NRDE2: variants seen among roughly 807,000 people sequenced by gnomAD.
NRDE2 encodes the protein NRDE-2, necessary for RNA interference, domain containing.
A neutral mutation model predicts 124.2 loss-of-function variants in NRDE2; 76 were observed. That is an observed-to-expected ratio of 0.61 (90% CI 0.51 to 0.74). The LOEUF (loss-of-function observed/expected upper bound fraction) is 0.74, where lower values mean the gene tolerates loss of function less well. NRDE2 is among the 30% of genes least tolerant of loss of function. The pLI is 0.00. For missense variants in NRDE2, 1,314 were observed against 1,417.3 expected (o/e 0.93, Z 1.17); for synonymous variants, 489 against 528.1 (o/e 0.93, Z 1.01).
In NRDE2 at chr14:90,308,358, G is replaced by A. The variant is rs149071894; in HGVS notation, c.558-3976C>T. ...ACTCCCATACACAGTGTCACTGCGGGATGCTCACGGGAGTAGAGGATGTGC... is the reference window on the plus strand; with the variant it reads ...ACTCCCATACACAGTGTCACTGCGGAATGCTCACGGGAGTAGAGGATGTGC... On this transcript the variant is annotated intron_variant, in intron 4 of 13. Transcript: ENST00000354366. 1.6e-4 allele frequency among the ~76,000 whole-genome samples: 24 copies of A among 152,228 alleles called. No homozygotes were observed. In the East Asian group the frequency reaches 4.1e-3, roughly 26 times the overall value.
Position 90,312,475 on chromosome 14 carries a change from G to T in NRDE2, c.476C>A (p.Thr159Lys). ...FVWLEDIQAVTGETFRTDKKP... is the reference protein window; with the variant it reads ...FVWLEDIQAVKGETFRTDKKP... ...CTTATCTGTTCTGAAGGTTTCTCCC[G>T]TCACAGCCTGAATGTCCTCAAGCCA... Residue 159 changes from threonine to lysine, a missense_variant, in exon 4 of 14, where the codon ACG becomes AAG. By Grantham distance (78) the Thr-to-Lys change is moderately conservative. Coordinates refer to ENST00000354366, the MANE Select transcript of NRDE2 (RefSeq NM_017970.4). The T allele has an allele frequency of 1.2e-6, 2 of 1,613,980 alleles. No homozygotes were observed. The highest frequency in any genetic ancestry group is 1.7e-5 in the Admixed American group (1 of 60,014).
chr14:90,313,359 C>T (rs1272500177), intron 3 of NRDE2, among the ~76,000 whole-genome samples: 1 of 152,034 alleles, frequency 6.6e-6, no homozygotes, highest in Non-Finnish European at 1.5e-5. Context: ...ATCTCCTGAC[C>T]TCATGATCCA....
At position 90,274,000 on chromosome 14, in the gene NRDE2, C is replaced by G. The variant is rs1891734504; in HGVS notation, c.*4336G>C. ...TTACAATCTTCTTAATTTTTATCTG[C>G]AAAGTTCCTTTTGCCATGTAACATT... is the stretch of plus-strand genomic sequence containing the variant. On this transcript the variant is annotated 3_prime_UTR_variant, in exon 14 of 14. Coordinates refer to ENST00000354366, the MANE Select transcript of NRDE2 (RefSeq NM_017970.4). 6.5e-6 allele frequency: 1 copy of G among 154,862 alleles called. No individual in the cohort carries two copies. Among genetic ancestry groups the G allele is most frequent in the Non-Finnish European group, 1.5e-5 (1 of 68,252 alleles). The allele number at this position is 154,862 out of a possible 1,614,324, so 9.6% of individuals were successfully genotyped here. A position where few individuals can be genotyped will look rare whatever the true frequency, so the allele number is the denominator to read the frequency against.
chr14:90,312,786 T>G (rs932191346), intron 3 of NRDE2, among the ~76,000 whole-genome samples: 1 of 152,148 alleles, frequency 6.6e-6, no homozygotes. Context: ...ACAAAAGAAG[T>G]CTTCCTATCT....
Position 90,270,071 on chromosome 14 carries a change from G to C in NRDE2, c.*8265C>G, listed in dbSNP as rs1459184787. The C allele has an allele frequency of 1.0e-6, 1 of 959,002 alleles. No individual in the cohort carries two copies. Among genetic ancestry groups the C allele is most frequent in the Non-Finnish European group, 1.5e-6 (1 of 654,292 alleles). 59.4% of individuals were successfully genotyped at this position (959,002 alleles called of 1,614,324 possible). On this transcript the variant is annotated 3_prime_UTR_variant, in exon 14 of 14. Coordinates refer to ENST00000354366, the MANE Select transcript of NRDE2 (RefSeq NM_017970.4). ...ATATATGTTTACTTTTTAAAATTTA[G>C]ACATCCTTCCCACAGAATTCTGTCC...
At chr14:90,303,454 T>C (rs74453747) in intron 5 of NRDE2, among the ~76,000 whole-genome samples, 3 of 152,242 alleles carry the variant, frequency 2.0e-5, no homozygotes, top group Non-Finnish European at 4.4e-5. Context: ...GGTAATTGTA[T>C]GAGTGGTTCA....
chr14:90,316,431 CCTTCT>C (rs1256235010), intron 3 of NRDE2, 142 bp downstream of exon 3: 1 of 606,658 alleles, frequency 1.6e-6, no homozygotes, highest in Non-Finnish European at 2.9e-6. Context: ...TAATTTTTCT[CCTTCT>C]CTTTTTTAAG....
At chr14:90,302,079 T>G (rs1884425666) in intron 6 of NRDE2, among the ~76,000 whole-genome samples, 1 of 152,210 alleles carries the variant, frequency 6.6e-6, no homozygotes, top group African/African-American at 2.4e-5. Flanking sequence ...ATTATCTCGT[T>G]TACTGTGCAA....
At chr14:90,311,860 G>A (rs1566697205) in intron 4 of NRDE2, among the ~76,000 whole-genome samples, 1 of 152,118 alleles carries the variant, frequency 6.6e-6, no homozygotes, top group Admixed American at 6.5e-5. Context: ...GGTTTAGTAA[G>A]TACTCAAATA....
At chr14:90,282,064 C>T (rs926341359) in intron 12 of NRDE2, among the ~76,000 whole-genome samples, 6 of 152,250 alleles carry the variant, frequency 3.9e-5, no homozygotes, top group Non-Finnish European at 8.8e-5. Flanking sequence ...CTTCATCAAT[C>T]CCATGAAATC....
At position 90,312,547 on chromosome 14, in the gene NRDE2, T is replaced by A. The variant is rs760090279; in HGVS notation, c.408-4A>T. ...AGCTGCAGCATTATTTCCTTGACTG[T>A]GGGACAAAGGAAGAAGAAGAAGGGA... On this transcript the variant is annotated splice_polypyrimidine_tract_variant and splice_region_variant and intron_variant, in intron 3 of 13. Transcript: ENST00000354366. 2.8e-5 allele frequency: 45 copies of A among 1,613,774 alleles called. No homozygotes were observed. Among genetic ancestry groups the A allele is most frequent in the Non-Finnish European group, 3.7e-5 (44 of 1,179,994 alleles).
At chr14:90,298,226 C>G (rs1435866806) in intron 8 of NRDE2, 34 bp downstream of exon 8, 1 of 1,601,758 alleles carries the variant, frequency 6.2e-7, no homozygotes. Context: ...CCAGAAGAAA[C>G]AGAAGTACAC....
chr14:90,318,222 C>G (rs942282081), intron 1 of NRDE2, 109 bp from the exon 2 acceptor site: 11 of 811,624 alleles, frequency 1.4e-5, no homozygotes, highest in Admixed American at 2.6e-5. Context: ...CCAATGCCAG[C>G]CAGACGTTTT....
chr14:90,290,381 A>G lies in NRDE2; in HGVS notation c.2069T>C (p.Val690Ala), dbSNP rs1454621423. 3 of 1,614,176 alleles carry G rather than the reference A, an allele frequency of 1.9e-6. No homozygotes were observed. Among genetic ancestry groups the G allele is most frequent in the Non-Finnish European group, 2.5e-6 (3 of 1,180,046 alleles). Residue 690 changes from valine to alanine, a missense_variant, in exon 10 of 14, where the codon GTT becomes GCT. Coordinates refer to ENST00000354366, the MANE Select transcript of NRDE2 (RefSeq NM_017970.4). ...FNPLFSGASC[V>A]GRMDRLGYPR... ...ATAGCCCAACCTATCCATGCGGCCA[A>G]CACAGCTAGCCCCAGAAAACAAAGG...
In NRDE2 at chr14:90,288,393, A is replaced by T; in HGVS notation, c.2982T>A (p.Tyr994Ter). 1 of 1,614,140 alleles carries T rather than the reference A, an allele frequency of 6.2e-7. No homozygotes were observed. The highest frequency in any genetic ancestry group is 8.5e-7 in the Non-Finnish European group (1 of 1,180,018). ...ACCTCCAAAGAACCTGGTTGCCTGG[A>T]TACAACTTTAAAGCCTGTGAGAGTG... ...REALSQALKL[Y>*]PGNQVLWRSY... The change falls in exon 11 of 14, where the codon TAT becomes TAA. Residue 994 changes from tyrosine to a stop codon, truncating the protein, a stop_gained. Transcript: ENST00000354366. LOFTEE classifies it high-confidence loss of function.
intron 1 of NRDE2, among the ~76,000 whole-genome samples, chr14:90,329,644 C>A (rs1367357204): frequency 6.6e-6 from 1 of 151,602 alleles, no homozygotes; most frequent in Non-Finnish European, 1.5e-5. Flanking sequence ...CAAGACCAGC[C>A]TGGCCAACAT....
chr14:90,330,397 T>C (rs934938308), intron 1 of NRDE2, among the ~76,000 whole-genome samples: 1 of 152,154 alleles, frequency 6.6e-6, no homozygotes, highest in Non-Finnish European at 1.5e-5. Context: ...ACACCTATTA[T>C]ACTTTGGACC....
chr14:90,331,753 C>T, intron 1 of NRDE2, 88 bp downstream of exon 1: 2 of 1,428,526 alleles, frequency 1.4e-6, no homozygotes, highest in Non-Finnish European at 2.0e-6. Context: ...AATGGATACA[C>T]AAATCCAAAG....
chr14:90,293,655 G>A (rs1479856373), intron 8 of NRDE2, among the ~76,000 whole-genome samples: 1 of 152,236 alleles, frequency 6.6e-6, no homozygotes, highest in Non-Finnish European at 1.5e-5. Flanking sequence ...GATGGCACTA[G>A]TTTAGATTTT....
Sources: gnomAD v4.1 joint callset for allele counts (sites outside exome capture counted in the v4.1 genomes callset) on GRCh38, gnomAD v4.1.1 for gene constraint, MANE v1.5 for transcripts, NCBI Gene and HGNC (gene_info 2026-07-23, HGNC 2026-07-21) for gene names.